Variants in TULP1 observed in about 807,000 individuals in gnomAD.
TULP1 encodes the protein tubby-related protein 1.
In TULP1, 50 loss-of-function variants were observed where a neutral mutation model predicts 67.1. That is an observed-to-expected ratio of 0.75 (90% CI 0.59 to 0.94). TULP1 has a LOEUF of 0.94. Ranked by LOEUF, TULP1 falls within the 40% of genes least tolerant of loss-of-function variation. TULP1 has a pLI of 0.00. For synonymous variants in TULP1, 297 were observed against 294.0 expected, an observed-to-expected ratio of 1.01 and a Z score of -0.11; for missense variants, 746 against 734.1, an observed-to-expected ratio of 1.02 and a Z score of -0.19.
rs1275452394 is a variant in TULP1 at position 35,498,320 on chromosome 6, G to C, written c.*7C>G. 1 of 1,611,968 alleles carries C rather than the reference G, an allele frequency of 6.2e-7. No individual in the cohort carries two copies. The highest frequency in any genetic ancestry group is 1.7e-5 in the Admixed American group (1 of 59,868). ...CGGGCTCTGGGGGCGCTGAGGGGCT[G>C]CTGGGGTCACTCGCAGGCCAGCTTC... On this transcript the variant is annotated 3_prime_UTR_variant, in exon 15 of 15. Transcript: ENST00000229771. The surrounding 1 kb of genome is among the most constrained non-coding windows in gnomAD (Gnocchi z 6.7).
chr6:35,509,958 G>A, intron 5 of TULP1, 30 bp from the exon 6 acceptor site: 1 of 1,608,122 alleles, frequency 6.2e-7, no homozygotes, highest in East Asian at 2.2e-5. Context: ...GTCAGGCAAA[G>A]AAGGTGTCTA....
chr6:35,510,715 A>G (rs993276822), intron 5 of TULP1, 146 bp downstream of exon 5: 19 of 1,572,000 alleles, frequency 1.2e-5, no homozygotes, highest in Non-Finnish European at 1.5e-5. Context: ...CATCGTGGGG[A>G]GAAATTATCA....
Position 35,498,181 on chromosome 6 carries a change from A to G in TULP1, c.*146T>C. On this transcript the variant is annotated 3_prime_UTR_variant, in exon 15 of 15. Coordinates refer to ENST00000229771, the MANE Select transcript of TULP1 (RefSeq NM_003322.6). This position sits in a 1 kb window ranked among gnomAD's most constrained non-coding sequence, Gnocchi z 6.7. ...CGGCCTGTGCCAGGCTGGGGAGAGG[A>G]CGGAGGTCACCGAGAGGCAGTGAGA... 1 of 1,331,734 alleles carries G rather than the reference A, an allele frequency of 7.5e-7. No individual in the cohort carries two copies. Among genetic ancestry groups the G allele is most frequent in the Admixed American group, 2.2e-5 (1 of 45,704 alleles). The allele number at this position is 1,331,734 out of a possible 1,614,324, so 82.5% of individuals were successfully genotyped here. A position where few individuals can be genotyped will look rare whatever the true frequency, so the allele number is the denominator to read the frequency against.
At chr6:35,510,731 A>G (rs1761179323) in intron 5 of TULP1, 130 bp downstream of exon 5, 1 of 1,591,646 alleles carries the variant, frequency 6.3e-7, no homozygotes, top group Admixed American at 1.7e-5. Context: ...TATCAGAGGA[A>G]AAACCCTCCG....
intron 7 of TULP1, 144 bp from the exon 8 acceptor site, chr6:35,509,456 C>T (rs1331940790): frequency 1.8e-6 from 2 of 1,081,990 alleles, no homozygotes; most frequent in African/African-American, 3.1e-5. Context: ...AAGGCTAAGA[C>T]ACCTGCCTGA....
chr6:35,502,912 G>A (rs887128763), intron 13 of TULP1, among the ~76,000 whole-genome samples: 1 of 151,844 alleles, frequency 6.6e-6, no homozygotes. Context: ...GCTTCAGGGG[G>A]GCAGAGCTTT....
At position 35,506,187 on chromosome 6, in the gene TULP1, G is replaced by A. The variant is rs1761084436; in HGVS notation, c.829-14C>T. On this transcript the variant is annotated splice_polypyrimidine_tract_variant and intron_variant, in intron 9 of 14. Coordinates refer to ENST00000229771, the MANE Select transcript of TULP1 (RefSeq NM_003322.6). ...CCTCTCCTCCTTCTGGGTGGGGGCAGAGGGTACATCAGCCCCAGAGCACCA... is the reference window on the plus strand; with the variant it reads ...CCTCTCCTCCTTCTGGGTGGGGGCAAAGGGTACATCAGCCCCAGAGCACCA... 6.2e-7 allele frequency: 1 copy of A among 1,613,312 alleles called. No homozygotes were observed. Among genetic ancestry groups the A allele is most frequent in the South Asian group, 1.1e-5 (1 of 91,060 alleles).
rs1432568952 is a variant in TULP1 at position 35,509,193 on chromosome 6, C to T, written c.822+16G>A. 1 of 1,611,090 alleles carries T rather than the reference C, an allele frequency of 6.2e-7. No individual in the cohort carries two copies. Among genetic ancestry groups the T allele is most frequent in the South Asian group, 1.1e-5 (1 of 91,032 alleles). ...CCCTGAAGGGACCTCAGCCCCCTGC[C>T]CCTCTGGGCCCCAACCTTTTTGCCT... On this transcript the variant is annotated intron_variant, in intron 8 of 14. Coordinates refer to ENST00000229771, the MANE Select transcript of TULP1 (RefSeq NM_003322.6).
chr6:35,509,887 C>G lies in TULP1; in HGVS notation c.541G>C (p.Val181Leu), dbSNP rs576738703. The G allele has an allele frequency of 7.5e-5, 121 of 1,614,018 alleles. 1 individual carries two copies. In the South Asian group the frequency reaches 1.2e-3, roughly 16 times the overall value. Residue 181 changes from valine (V) to leucine (L), a missense_variant, in exon 6 of 15, where the codon GTT becomes CTT. Val to Leu is a conservative substitution (Grantham distance 32). Coordinates refer to ENST00000229771, the MANE Select transcript of TULP1 (RefSeq NM_003322.6). ...SPDPPPKPLRVRNKEAPAGEG... is the reference protein window; with the variant it reads ...SPDPPPKPLRLRNKEAPAGEG... ...CCTGCTGGAGCTTCCTTATTCCTAA[C>G]ACGCAGAGGTTTCGGTGGGGGGTCA...
In TULP1 at chr6:35,506,102, G is replaced by C. The variant is rs546812415; in HGVS notation, c.900C>G (p.Pro300=). 193 of 1,613,648 alleles carry C rather than the reference G, an allele frequency of 1.2e-4. 2 individuals are homozygous for C. In the South Asian group the frequency reaches 2.0e-3, roughly 17 times the overall value. The part of the protein sequence containing the change: ...EPREFVLRPA[P]QGRTVRCRLT... ...GCCGGCAGCGCACCGTGCGGCCCTG[G>C]GGGGCAGGCCGGAGCACAAACTCCC... Residue 300 remains proline, a synonymous_variant, in exon 10 of 15, where the codon CCC becomes CCG. Transcript: ENST00000229771.
rs759127982 is a variant in TULP1 at position 35,503,537 on chromosome 6, G to A, written c.1323+22C>T. ...CTGTTTCTCACATAGGGAGCCAGGG[G>A]CCAGGGAGGTGCGGGGCTCACATTT... On this transcript the variant is annotated intron_variant, in intron 13 of 14. Coordinates refer to ENST00000229771, the MANE Select transcript of TULP1 (RefSeq NM_003322.6). This position sits in a 1 kb window ranked among gnomAD's most constrained non-coding sequence, Gnocchi z 4.0. 1.9e-6 allele frequency: 3 copies of A among 1,552,274 alleles called. No homozygotes were observed. The East Asian group carries it at 7.3e-5, about 38-fold the overall frequency.
At position 35,509,297 on chromosome 6, in the gene TULP1, G is replaced by T. The variant is rs62636707; in HGVS notation, c.734C>A (p.Ala245Glu). The T allele has an allele frequency of 5.0e-6, 8 of 1,613,714 alleles. No homozygotes were observed. In the Admixed American group the frequency reaches 8.3e-5, roughly 17 times the overall value. The part of the protein sequence containing the change: ...ALKKKGTPKG[A>E]RKEEEEEEEA... ...CTCCTCCTCTTCTTCCTCCTTCCTC[G>T]CGCCTTTGGGAGTGCCTGAGCGTGG... is the stretch of plus-strand genomic sequence containing the variant. The change falls in exon 8 of 15, where the codon GCG becomes GAG. Residue 245 changes from alanine (A) to glutamate (E), a missense_variant. Physicochemically the swap from Ala to Glu is moderately radical, Grantham distance 107. Transcript: ENST00000229771.
intron 5 of TULP1, among the ~76,000 whole-genome samples, 176 bp from the exon 6 acceptor site, chr6:35,510,104 A>C (rs1297184567): frequency 6.6e-6 from 1 of 151,552 alleles, no homozygotes; most frequent in Non-Finnish European, 1.5e-5. Flanking sequence ...CCCAGGCTGG[A>C]ATGCAGTGGC....
At chr6:35,509,121 C>T in intron 8 of TULP1, 88 bp downstream of exon 8, 3 of 1,213,166 alleles carry the variant, frequency 2.5e-6, no homozygotes, top group Non-Finnish European at 3.7e-6. Flanking sequence ...CAAGTGGCTC[C>T]AAGCCCCCAC....
chr6:35,504,583 CT>C (rs1761043625), intron 11 of TULP1, among the ~76,000 whole-genome samples: 1 of 151,946 alleles, frequency 6.6e-6, no homozygotes, highest in Non-Finnish European at 1.5e-5. Flanking sequence ...TTTTTTCAGA[CT>C]GAGTCTCACT....
chr6:35,512,816 C>T lies in TULP1; in HGVS notation c.43G>A (p.Asp15Asn). ...CGAACTGGGGGCCTTCCAGACCTGTCAGAGGCCCACACCTCTCGGAGGGTT... is the reference window on the plus strand; with the variant it reads ...CGAACTGGGGGCCTTCCAGACCTGTTAGAGGCCCACACCTCTCGGAGGGTT... ...DETLREVWAS[D>N]SGHEEESLSP... The change falls in exon 1 of 15, where the codon GAC becomes AAC. Residue 15 changes from aspartate (D) to asparagine (N), a missense_variant. This residue lies in a region of TULP1 where 359 missense variants were observed against 341.9 expected (regional missense o/e 1.05). Coordinates refer to ENST00000229771, the MANE Select transcript of TULP1 (RefSeq NM_003322.6). 6.2e-7 allele frequency: 1 copy of T among 1,604,472 alleles called. No homozygotes were observed. The highest frequency in any genetic ancestry group is 2.3e-5 in the East Asian group (1 of 44,208).
intron 5 of TULP1, among the ~76,000 whole-genome samples, chr6:35,510,287 A>C (rs993244354): frequency 6.6e-6 from 1 of 152,146 alleles, no homozygotes; most frequent in African/African-American, 2.4e-5. Flanking sequence ...CTGGACAAAG[A>C]CCAGGAGCTT....
At position 35,500,146 on chromosome 6, in the gene TULP1, C is replaced by T. The variant is rs138400030; in HGVS notation, c.1330G>A (p.Asp444Asn). ...RVPIRPRNASDGLLVRWQNKT... is the reference protein window; with the variant it reads ...RVPIRPRNASNGLLVRWQNKT... ...TTCTGCCAGCGCACCAGCAGGCCGT[C>T]ACTAGCCTGGGGTGCCCCAGGGGAG... The change falls in exon 14 of 15, where the codon GAC becomes AAC. Residue 444 changes from aspartate (D) to asparagine (N), a missense_variant. Coordinates refer to ENST00000229771, the MANE Select transcript of TULP1 (RefSeq NM_003322.6). 5.5e-5 allele frequency: 89 copies of T among 1,614,010 alleles called. No individual in the cohort carries two copies. The African/African-American group carries it at 1.0e-3, about 19-fold the overall frequency.
intron 8 of TULP1, among the ~76,000 whole-genome samples, chr6:35,507,229 C>G: frequency 6.7e-6 from 1 of 148,386 alleles, no homozygotes; most frequent in Non-Finnish European, 1.5e-5. Flanking sequence ...AAAGAACACT[C>G]AAGCAGCCTC....
Sources: allele counts gnomAD v4.1 joint callset (sites outside exome capture counted in the v4.1 genomes callset), GRCh38; gene constraint gnomAD v4.1.1; regional missense constraint gnomAD v4.1.1; non-coding constraint Gnocchi (gnomAD v3.1); transcripts MANE v1.5; gene names NCBI Gene and HGNC (gene_info 2026-07-23, HGNC 2026-07-21).